SERPINA1: variants seen among roughly 807,000 people sequenced by gnomAD.
SERPINA1 encodes serpin family A member 1.
A neutral mutation model predicts 25.4 loss-of-function variants in SERPINA1; 21 were observed. The ratio of observed to expected loss-of-function variants is 0.83; its 90% CI spans 0.59 to 1.19. The LOEUF is 1.19. SERPINA1 is among the 50% of genes most tolerant of loss of function. SERPINA1 has a pLI of 0.00. For synonymous variants in SERPINA1, 218 were observed against 211.1 expected, an observed-to-expected ratio of 1.03 and a Z score of -0.29; for missense variants, 546 against 509.0, an observed-to-expected ratio of 1.07 and a Z score of -0.70.
At chr14:94,381,754 A>G (rs1272697897) in intron 2 of SERPINA1, among the ~76,000 whole-genome samples, 1 of 152,170 alleles carries the variant, frequency 6.6e-6, no homozygotes, top group Non-Finnish European at 1.5e-5. Context: ...CTGGAGAGGG[A>G]CCTGGGCCCC....
chr14:94,383,395 G>A, intron 1 of SERPINA1, 154 bp from the exon 2 acceptor site: 1 of 746,934 alleles, frequency 1.3e-6, no homozygotes. Context: ...AGAATCAGAA[G>A]AATAGCAAAA....
upstream of SERPINA1, among the ~76,000 whole-genome samples, chr14:94,389,350 C>T (rs1205853923): frequency 1.3e-5 from 2 of 152,198 alleles, no homozygotes; most frequent in South Asian, 2.1e-4. Flanking sequence ...GGGTGAAGTG[C>T]CTGGCACACA....
chr14:94,390,495 CT>C (rs1440519150), upstream of SERPINA1: 2 of 152,404 alleles, frequency 1.3e-5, no homozygotes, highest in Non-Finnish European at 2.9e-5. Context: ...AGCTCTGTCT[CT>C]TCTGGCAGGC....
In SERPINA1 at chr14:94,378,082, G is replaced by GT; in HGVS notation, c.*366_*367insA. 3.6e-6 allele frequency: 1 copy of GT among 274,216 alleles called. No homozygotes were observed. Among genetic ancestry groups the GT allele is most frequent in the South Asian group, 5.3e-5 (1 of 18,804 alleles). The allele number at this position is 274,216 out of a possible 1,614,324, so 17.0% of individuals were successfully genotyped here. ...ACATGAAGATGCTTGGTGGAGCCTG[G>GT]GGTCATGGCTGGTATCTGGTTCCTC... is the stretch of plus-strand genomic sequence containing the variant. On this transcript the variant is annotated 3_prime_UTR_variant, in exon 5 of 5. Coordinates refer to ENST00000393087, the MANE Select transcript of SERPINA1 (RefSeq NM_000295.5).
In SERPINA1 at chr14:94,381,072, G is replaced by T. The variant is rs1164468748; in HGVS notation, c.716C>A (p.Thr239Asn). ...EEDFHVDQVTTVKVPMMKRLG... is the reference protein window; with the variant it reads ...EEDFHVDQVTNVKVPMMKRLG... ...ACGCTTCATCATAGGCACCTTCACG[G>T]TGGTCACCTGGTCCACGTGGAAGTC... is the stretch of plus-strand genomic sequence containing the variant. The change falls in exon 3 of 5, where the codon ACC becomes AAC. Residue 239 changes from threonine to asparagine, a missense_variant. Transcript: ENST00000393087. 6.2e-7 allele frequency: 1 copy of T among 1,613,918 alleles called. No homozygotes were observed. The highest frequency in any genetic ancestry group is 8.5e-7 in the Non-Finnish European group (1 of 1,179,996).
chr14:94,378,533 G>A lies in SERPINA1; in HGVS notation c.1173C>T (p.Asn391=), dbSNP rs968829407. The A allele has an allele frequency of 1.9e-6, 3 of 1,614,148 alleles. No homozygotes were observed. The highest frequency in any genetic ancestry group is 1.1e-5 in the South Asian group (1 of 91,086). ...CAATCATTAAGAAGACAAAGGGTTT[G>A]TTGAACTTGACCTCGGGGGGGATAG... ...PMSIPPEVKF[N]KPFVFLMIEQ... is the part of the protein sequence containing the mutation. The change falls in exon 5 of 5, where the codon AAC becomes AAT. Residue 391 remains asparagine, a synonymous_variant. Coordinates refer to ENST00000393087, the MANE Select transcript of SERPINA1 (RefSeq NM_000295.5).
At chr14:94,380,077 C>T (rs998114457) in intron 3 of SERPINA1, among the ~76,000 whole-genome samples, 495 of 149,870 alleles carry the variant, frequency 3.3e-3, no homozygotes, top group African/African-American at 0.012. Context: ...CTGGTGTGAG[C>T]GGGCAGCTTG....
At chr14:94,378,666 G>A (rs375637084) in intron 4 of SERPINA1, 26 bp from the exon 5 acceptor site, 48 of 1,607,680 alleles carry the variant, frequency 3.0e-5, no homozygotes, top group Admixed American at 1.2e-4. Flanking sequence ...GCAGAGACAC[G>A]TTGTAAGGCT....
In SERPINA1 at chr14:94,378,358, A is replaced by G. The variant is rs1424027133; in HGVS notation, c.*91T>C. On this transcript the variant is annotated 3_prime_UTR_variant, in exon 5 of 5. Coordinates refer to ENST00000393087, the MANE Select transcript of SERPINA1 (RefSeq NM_000295.5). ...GAAAACATGGGAGGGATTTACAGTC[A>G]CATGCAGGCAGGGACCAGCTCAACC... 1 of 1,102,326 alleles carries G rather than the reference A, an allele frequency of 9.1e-7. No individual in the cohort carries two copies. Among genetic ancestry groups the G allele is most frequent in the Non-Finnish European group, 1.4e-6 (1 of 720,892 alleles). 68.3% of individuals were successfully genotyped at this position (1,102,326 alleles called of 1,614,324 possible). A position where few individuals can be genotyped will look rare whatever the true frequency, so the allele number is the denominator to read the frequency against.
chr14:94,381,043 C>T lies in SERPINA1; in HGVS notation c.745G>A (p.Gly249Ser), dbSNP rs764220898. The T allele has an allele frequency of 6.2e-6, 10 of 1,614,066 alleles. No homozygotes were observed. In the South Asian group the frequency reaches 6.6e-5, roughly 11 times the overall value. Residue 249 changes from glycine (G) to serine (S), a missense_variant, in exon 3 of 5, where the codon GGC becomes AGC. Coordinates refer to ENST00000393087, the MANE Select transcript of SERPINA1 (RefSeq NM_000295.5). ...TTACAGTGCTGGATGTTAAACATGCCTAAACGCTTCATCATAGGCACCTTC... is the reference window on the plus strand; with the variant it reads ...TTACAGTGCTGGATGTTAAACATGCTTAAACGCTTCATCATAGGCACCTTC... Reference protein sequence around the residue: ...TVKVPMMKRLGMFNIQHCKKL... With the variant: ...TVKVPMMKRLSMFNIQHCKKL...
chr14:94,378,551 G>A lies in SERPINA1; in HGVS notation c.1155C>T (p.Pro385=), dbSNP rs774551181. The A allele has an allele frequency of 2.6e-5, 42 of 1,613,932 alleles. No individual in the cohort carries two copies. In the Admixed American group the frequency reaches 6.8e-4, roughly 26 times the overall value. The change falls in exon 5 of 5, where the codon CCC becomes CCT. Residue 385 remains proline, a synonymous_variant. Transcript: ENST00000393087. ...MFLEAIPMSI[P]PEVKFNKPFV... is the part of the protein sequence containing the mutation. ...AGGGTTTGTTGAACTTGACCTCGGGGGGGATAGACATGGGTATGGCCTCTA... is the reference window on the plus strand; with the variant it reads ...AGGGTTTGTTGAACTTGACCTCGGGAGGGATAGACATGGGTATGGCCTCTA...
At chr14:94,387,206 C>T (rs1389905311) in intron 1 of SERPINA1, among the ~76,000 whole-genome samples, 3 of 152,198 alleles carry the variant, frequency 2.0e-5, no homozygotes, top group Non-Finnish European at 2.9e-5. Context: ...GATTGCTCCA[C>T]GTCAACTTGC....
chr14:94,379,177 T>C, intron 4 of SERPINA1: 2 of 597,916 alleles, frequency 3.3e-6, no homozygotes. Flanking sequence ...TCAGTATGGA[T>C]AAATCAAGGC....
At chr14:94,380,503 A>G in intron 3 of SERPINA1, 1 of 335,658 alleles carries the variant, frequency 3.0e-6, no homozygotes, top group East Asian at 7.0e-5. Flanking sequence ...TCCACACTCC[A>G]CTGCTGCCTT....
intron 1 of SERPINA1, among the ~76,000 whole-genome samples, chr14:94,385,291 G>T (rs548970417): frequency 6.6e-6 from 1 of 152,360 alleles, no homozygotes; most frequent in Admixed American, 6.5e-5. Context: ...AGTGGGGCTG[G>T]GAGAAGACTT....
intron 4 of SERPINA1, chr14:94,379,074 T>C (rs988208209): frequency 7.2e-6 from 4 of 552,024 alleles, no homozygotes; most frequent in East Asian, 6.1e-5. Flanking sequence ...GTGTCATCTT[T>C]AGCTGAAATC....
At position 94,383,257 on chromosome 14, in the gene SERPINA1, G is replaced by T. The variant is rs183168999; in HGVS notation, c.-4-16C>A. 2.5e-6 allele frequency: 4 copies of T among 1,604,364 alleles called. No individual in the cohort carries two copies. The highest frequency in any genetic ancestry group is 1.7e-5 in the Admixed American group (1 of 59,842). Reference sequence around the variant, plus strand: ...CGGCATTGTCCTGCAAGACAGAGATGGGGGGGCCAGGCCCCGAGTCAAGGC... The same window carrying T: ...CGGCATTGTCCTGCAAGACAGAGATTGGGGGGCCAGGCCCCGAGTCAAGGC... On this transcript the variant is annotated splice_polypyrimidine_tract_variant and intron_variant, in intron 1 of 4. Coordinates refer to ENST00000393087, the MANE Select transcript of SERPINA1 (RefSeq NM_000295.5).
intron 3 of SERPINA1, 160 bp downstream of exon 3, chr14:94,380,710 TG>T: frequency 1.2e-6 from 1 of 859,110 alleles, no homozygotes; most frequent in Non-Finnish European, 2.0e-6. Flanking sequence ...CTGAACTCAG[TG>T]GTGGCCTCAT....
At chr14:94,378,892 G>A (rs1258487516) in intron 4 of SERPINA1, among the ~76,000 whole-genome samples, 4 of 147,868 alleles carry the variant, frequency 2.7e-5, no homozygotes, top group Non-Finnish European at 4.6e-5. Context: ...ACAGGGAAGA[G>A]CATCGTCACT....
Sources: allele counts gnomAD v4.1 joint callset (sites outside exome capture counted in the v4.1 genomes callset), GRCh38; gene constraint gnomAD v4.1.1; transcripts MANE v1.5; gene names NCBI Gene and HGNC (gene_info 2026-07-23, HGNC 2026-07-21).